ITGAL: variants seen among roughly 807,000 people sequenced by gnomAD.
The protein encoded by ITGAL is integrin alpha-L.
A neutral mutation model predicts 138.4 loss-of-function variants in ITGAL; 68 were observed. The observed-to-expected ratio is 0.49, with a 90% CI of 0.40 to 0.60. The LOEUF is 0.60. Among genes scored for constraint, ITGAL ranks in the 20% least tolerant of loss-of-function variants. The pLI is 0.00. For missense variants in ITGAL, 1,256 were observed against 1,478.6 expected (o/e 0.85, Z 2.47); for synonymous variants, 561 against 584.3 (o/e 0.96, Z 0.57).
chr16:30,502,008 G>C (rs914420289), intron 17 of ITGAL, among the ~76,000 whole-genome samples: 10 of 152,134 alleles, frequency 6.6e-5, no homozygotes, highest in Admixed American at 4.6e-4. Context: ...ACTCCAGCCT[G>C]GGCAACAGAA....
At chr16:30,511,822 G>A (rs1053205365) in intron 24 of ITGAL, among the ~76,000 whole-genome samples, 20 of 152,222 alleles carry the variant, frequency 1.3e-4, no homozygotes, top group African/African-American at 4.8e-4. Flanking sequence ...TGGTCTGGCT[G>A]CTTGTTACTT....
At chr16:30,478,562 G>A (rs1200452788) in intron 4 of ITGAL, among the ~76,000 whole-genome samples, 1 of 151,308 alleles carries the variant, frequency 6.6e-6, no homozygotes, top group Non-Finnish European at 1.5e-5. Context: ...GCCGGGTGTA[G>A]TGGCGGGTGC....
At chr16:30,475,484 C>A in intron 3 of ITGAL, 29 bp from the exon 4 acceptor site, 1 of 1,609,620 alleles carries the variant, frequency 6.2e-7, no homozygotes, top group Non-Finnish European at 8.5e-7. Context: ...TGCCTGAGCT[C>A]CTCCAGACCA....
intron 26 of ITGAL, 98 bp downstream of exon 26, chr16:30,517,184 C>T: frequency 1.3e-6 from 1 of 775,852 alleles, no homozygotes. Context: ...GGTGCGGTGG[C>T]TCTGCCTCCC....
intron 21 of ITGAL, among the ~76,000 whole-genome samples, chr16:30,508,878 AAAC>A (rs2051046352): frequency 6.6e-6 from 1 of 151,856 alleles, no homozygotes; most frequent in South Asian, 2.1e-4. Flanking sequence ...AAAAAACAAA[AAAC>A]AAAAAAAAAA....
At chr16:30,504,718 A>G (rs73534263) in intron 18 of ITGAL, among the ~76,000 whole-genome samples, 40,685 of 149,716 alleles carry the variant, frequency 0.27, 7,778 homozygotes, top group South Asian at 0.6. Flanking sequence ...TAAAGAAGAA[A>G]AAAAAAAAAA....
chr16:30,502,643 G>A (rs925253063), intron 17 of ITGAL, among the ~76,000 whole-genome samples: 17 of 151,338 alleles, frequency 1.1e-4, no homozygotes, highest in Admixed American at 2.6e-4. Flanking sequence ...AGCTACTCAG[G>A]AGGCTGAGGC....
intron 7 of ITGAL, among the ~76,000 whole-genome samples, chr16:30,481,878 GT>G (rs2050564974): frequency 6.6e-6 from 1 of 151,886 alleles, no homozygotes; most frequent in Admixed American, 6.6e-5. Flanking sequence ...TTGTTTGTTT[GT>G]TTGGTTTTTG....
chr16:30,494,861 G>T lies in ITGAL; in HGVS notation c.1503+11G>T. On this transcript the variant is annotated intron_variant, in intron 13 of 30. Transcript: ENST00000356798. The surrounding 1 kb of genome is among the most constrained non-coding windows in gnomAD (Gnocchi z 4.2). Reference sequence around the variant, plus strand: ...TACCAGAGAAGACAGGTGGGGCCAGGATCTGGAGCTGAGAGGGAGGAGGGA... The same window carrying T: ...TACCAGAGAAGACAGGTGGGGCCAGTATCTGGAGCTGAGAGGGAGGAGGGA... The T allele has an allele frequency of 1.3e-6, 2 of 1,579,736 alleles. No individual in the cohort carries two copies. The highest frequency in any genetic ancestry group is 1.7e-6 in the Non-Finnish European group (2 of 1,157,372).
intron 18 of ITGAL, 170 bp from the exon 19 acceptor site, chr16:30,505,074 G>A (rs1020871150): frequency 2.0e-6 from 1 of 497,242 alleles, no homozygotes; most frequent in African/African-American, 1.9e-5. Flanking sequence ...AATGGCAGTA[G>A]GCTGAGGCAG....
chr16:30,511,255 G>C (rs2051087591), intron 24 of ITGAL, 119 bp downstream of exon 24: 2 of 781,388 alleles, frequency 2.6e-6, no homozygotes, highest in Non-Finnish European at 4.5e-6. Context: ...AGAGCCCCTT[G>C]GGGTAATTAG....
intron 20 of ITGAL, 125 bp from the exon 21 acceptor site, chr16:30,506,590 A>G (rs2051001465): frequency 1.2e-5 from 5 of 434,124 alleles, no homozygotes; most frequent in South Asian, 1.2e-4. Context: ...AAAAAAAAAA[A>G]AAAAGACTGA....
intron 29 of ITGAL, among the ~76,000 whole-genome samples, chr16:30,518,974 A>G (rs1316642188): frequency 1.3e-5 from 2 of 152,194 alleles, no homozygotes; most frequent in Non-Finnish European, 2.9e-5. Context: ...CTGTAATCCT[A>G]GCACTTTGGG....
intron 11 of ITGAL, among the ~76,000 whole-genome samples, chr16:30,493,477 C>T (rs1359641249): frequency 1.3e-5 from 2 of 151,774 alleles, no homozygotes; most frequent in African/African-American, 2.4e-5. Context: ...GGCGTTTCAC[C>T]GTGTTAGCCA....
intron 24 of ITGAL, among the ~76,000 whole-genome samples, chr16:30,512,847 C>T (rs2051109250): frequency 6.6e-6 from 1 of 151,998 alleles, no homozygotes; most frequent in Non-Finnish European, 1.5e-5. Context: ...ACTACAGGTG[C>T]CTGCCACCAT....
Position 30,505,241 on chromosome 16 carries a change from C to G in ITGAL, c.2236-3C>G, listed in dbSNP as rs1375714141. On this transcript the variant is annotated splice_region_variant and splice_polypyrimidine_tract_variant and intron_variant, in intron 18 of 30. Transcript: ENST00000356798. ...TCCATCCTGCCCACTACCCCTCGCT[C>G]AGCAGGGCAAGGACATACCGCCCAT... 1.9e-6 allele frequency: 3 copies of G among 1,595,708 alleles called. No homozygotes were observed. The highest frequency in any genetic ancestry group is 2.6e-6 in the Non-Finnish European group (3 of 1,167,490).
chr16:30,488,458 G>A (rs1388428986), intron 9 of ITGAL, among the ~76,000 whole-genome samples: 3 of 151,948 alleles, frequency 2.0e-5, no homozygotes, highest in Non-Finnish European at 2.9e-5. Context: ...ACCTGTCATT[G>A]TCCCAACACA....
At chr16:30,511,245 A>C in intron 24 of ITGAL, 109 bp downstream of exon 24, 1 of 843,802 alleles carries the variant, frequency 1.2e-6, no homozygotes, top group South Asian at 1.4e-5. Context: ...TTCCTTTCTT[A>C]GAGCCCCTTG....
chr16:30,478,625 G>T (rs1567462654), intron 4 of ITGAL, among the ~76,000 whole-genome samples: 1 of 150,266 alleles, frequency 6.7e-6, no homozygotes, highest in Admixed American at 6.6e-5. Flanking sequence ...GTGAACCCGG[G>T]AGGCGAAGCT....
Sources: gnomAD v4.1 joint callset for allele counts (sites outside exome capture counted in the v4.1 genomes callset) on GRCh38, gnomAD v4.1.1 for gene constraint, Gnocchi (gnomAD v3.1) non-coding constraint, MANE v1.5 for transcripts, NCBI Gene and HGNC (gene_info 2026-07-23, HGNC 2026-07-21) for gene names.